Variants in RNFT2 observed in about 807,000 individuals in gnomAD.
RNFT2 encodes the protein ring finger protein, transmembrane 2, also known as E3 ubiquitin-protein ligase RNFT2.
Under a neutral mutation model 53.0 loss-of-function variants are expected in RNFT2, and 36 were observed. The ratio of observed to expected loss-of-function variants is 0.68; its 90% CI spans 0.52 to 0.90. The LOEUF (loss-of-function observed/expected upper bound fraction) is 0.90, where lower values mean the gene tolerates loss of function less well. Ranked by LOEUF, RNFT2 falls within the 40% of genes least tolerant of loss-of-function variation. RNFT2 has a pLI of 0.00. For synonymous variants in RNFT2, 260 were observed against 253.2 expected (o/e 1.03, Z -0.26); for missense variants, 514 against 585.6 (o/e 0.88, Z 1.26).
At chr12:116,796,716 CCCG>C (rs1476882456) in intron 7 of RNFT2, among the ~76,000 whole-genome samples, 1 of 152,194 alleles carries the variant, frequency 6.6e-6, no homozygotes, top group Non-Finnish European at 1.5e-5. Flanking sequence ...TTCCCCTCTC[CCCG>C]CCTTCCCTTC....
intron 7 of RNFT2, among the ~76,000 whole-genome samples, chr12:116,794,309 AG>A (rs1874380461): frequency 6.6e-6 from 1 of 151,888 alleles, no homozygotes. Context: ...GTTTAAAACC[AG>A]GCCAGGGCTG....
At chr12:116,738,690 A>C (rs1472075928) in intron 1 of RNFT2, 1 of 152,236 alleles carries the variant, frequency 6.6e-6, no homozygotes, top group Non-Finnish European at 1.5e-5. Flanking sequence ...CGTTTCATTC[A>C]TTCAGATGCA....
intron 1 of RNFT2, 112 bp from the exon 2 acceptor site, chr12:116,740,233 G>T: frequency 2.7e-6 from 1 of 370,642 alleles, no homozygotes; most frequent in South Asian, 4.7e-5. Flanking sequence ...GCTACCCAGA[G>T]ATACTGAGCA....
intron 7 of RNFT2, among the ~76,000 whole-genome samples, chr12:116,780,825 C>T (rs769880355): frequency 1.4e-4 from 22 of 152,120 alleles, no homozygotes; most frequent in Non-Finnish European, 1.3e-4. Flanking sequence ...GTCGGCACCA[C>T]GCACTTGACA....
At chr12:116,809,797 T>A (rs1875278963) in intron 7 of RNFT2, among the ~76,000 whole-genome samples, 1 of 152,100 alleles carries the variant, frequency 6.6e-6, no homozygotes. Context: ...CTCAGCCTCC[T>A]GAGTAGCTGG....
At chr12:116,752,783 C>T (rs1203044509) in intron 4 of RNFT2, among the ~76,000 whole-genome samples, 2 of 152,128 alleles carry the variant, frequency 1.3e-5, no homozygotes, top group Non-Finnish European at 2.9e-5. Flanking sequence ...GAGGCTGAGG[C>T]ACAAGAATCA....
intron 7 of RNFT2, among the ~76,000 whole-genome samples, chr12:116,806,636 C>T (rs1422855438): frequency 6.6e-6 from 1 of 151,078 alleles, no homozygotes; most frequent in Non-Finnish European, 1.5e-5. Flanking sequence ...CCTGTAGTCC[C>T]AGCTACTCGG....
intron 2 of RNFT2, chr12:116,740,768 C>T (rs901301388): frequency 2.9e-5 from 18 of 621,426 alleles, no homozygotes; most frequent in African/African-American, 2.6e-4. Flanking sequence ...CACAGTTTAC[C>T]GCGTTATCCT....
In RNFT2 at chr12:116,749,899, A is replaced by G. The variant is rs755661370; in HGVS notation, c.142A>G (p.Ser48Gly). The change falls in exon 4 of 11, where the codon AGT becomes GGT. Residue 48 changes from serine to glycine, a missense_variant. By Grantham distance (56) the Ser-to-Gly change is moderately conservative. Coordinates refer to ENST00000257575, the MANE Select transcript of RNFT2 (RefSeq NM_001382266.1). ...ASVDEGGVFE[S>G]LKAEAASPPA... The stretch of plus-strand genomic sequence containing the variant: ...TGTGGATGAAGGTGGCGTCTTTGAG[A>G]GTCTGAAGGCAGAGGCAGCCTCCCC... 3 of 1,589,464 alleles carry G rather than the reference A, an allele frequency of 1.9e-6. No homozygotes were observed. The highest frequency in any genetic ancestry group is 2.3e-5 in the South Asian group (2 of 87,106).
intron 7 of RNFT2, among the ~76,000 whole-genome samples, chr12:116,797,653 A>G (rs914507659): frequency 3.3e-5 from 5 of 152,184 alleles, no homozygotes; most frequent in African/African-American, 9.7e-5. Flanking sequence ...AGAGAATTCA[A>G]GGGTGAGCCA....
chr12:116,755,643 T>G (rs557508721), intron 5 of RNFT2: 9 of 1,297,372 alleles, frequency 6.9e-6, no homozygotes, highest in Non-Finnish European at 1.1e-6. Context: ...TTAACTTGTT[T>G]GTTTACAACA....
chr12:116,763,377 A>C (rs1444502246), intron 5 of RNFT2, among the ~76,000 whole-genome samples: 1 of 152,180 alleles, frequency 6.6e-6, no homozygotes, highest in Non-Finnish European at 1.5e-5. Flanking sequence ...AAAATAATAG[A>C]TGTCGGCATG....
chr12:116,833,094 T>C (rs539035053), intron 7 of RNFT2, among the ~76,000 whole-genome samples: 6 of 152,108 alleles, frequency 3.9e-5, no homozygotes, highest in South Asian at 4.2e-4. Context: ...AATTTTTGTA[T>C]TTTTAGTAGA....
In RNFT2 at chr12:116,779,228, G is replaced by C; in HGVS notation, c.762G>C (p.Leu254=). ...TCCTGAAGCCCAACCTGGAGATGCT[G>C]GACTTCTTTGACCTGCTATGGATTG... is the stretch of plus-strand genomic sequence containing the variant. ...LIFLKPNLEM[L]DFFDLLWIVG... is the part of the protein sequence containing the mutation. The change falls in exon 7 of 11, where the codon CTG becomes CTC. Residue 254 remains leucine (L), a synonymous_variant. Coordinates refer to ENST00000257575, the MANE Select transcript of RNFT2 (RefSeq NM_001382266.1). The C allele has an allele frequency of 6.2e-7, 1 of 1,613,966 alleles. No homozygotes were observed. The highest frequency in any genetic ancestry group is 8.5e-7 in the Non-Finnish European group (1 of 1,179,882).
chr12:116,849,191 G>A (rs565564639), intron 10 of RNFT2, 123 bp from the exon 11 acceptor site: 10 of 682,550 alleles, frequency 1.5e-5, no homozygotes, highest in Middle Eastern at 2.6e-4. Context: ...TCTCCCCAAC[G>A]CGAGTGCAGG....
chr12:116,791,108 C>T lies in RNFT2; in HGVS notation c.882+11760C>T, dbSNP rs563681964. ...CATCACACCAGAAGGAAACCTTGTC[C>T]CCACTAAGCAGTCACATTCCATTCC... On this transcript the variant is annotated intron_variant, in intron 7 of 10. Transcript: ENST00000257575. Among the ~76,000 whole-genome samples, 6 of 152,328 alleles carry T rather than the reference C, an allele frequency of 3.9e-5. No individual in the cohort carries two copies. In the East Asian group the frequency reaches 1.2e-3, roughly 29 times the overall value.
chr12:116,804,533 A>AT (rs1329573306), intron 7 of RNFT2, among the ~76,000 whole-genome samples: 16 of 152,180 alleles, frequency 1.1e-4, no homozygotes, highest in Non-Finnish European at 1.8e-4. Context: ...TTGTTTCTTT[A>AT]TTTTTTTACC....
chr12:116,805,726 G>A (rs1438378170), intron 7 of RNFT2, among the ~76,000 whole-genome samples: 3 of 152,108 alleles, frequency 2.0e-5, no homozygotes, highest in African/African-American at 4.8e-5. Flanking sequence ...TGCCTGTCTC[G>A]GCTTCCCAAA....
intron 7 of RNFT2, among the ~76,000 whole-genome samples, chr12:116,802,030 C>G (rs1874823794): frequency 6.6e-6 from 1 of 152,168 alleles, no homozygotes; most frequent in Middle Eastern, 3.2e-3. Context: ...CCATGTTGGC[C>G]AGGCTGGTTT....
Sources: allele counts gnomAD v4.1 joint callset (sites outside exome capture counted in the v4.1 genomes callset), GRCh38; gene constraint gnomAD v4.1.1; transcripts MANE v1.5; gene names NCBI Gene and HGNC (gene_info 2026-07-23, HGNC 2026-07-21).